The following PLS1 variants were observed in gnomAD, a reference collection of about 807,000 sequenced individuals.
The protein encoded by PLS1 is plastin-1.
PLS1 carries 32 observed loss-of-function variants against 73.7 expected under a neutral mutation model. The observed-to-expected ratio is 0.43, with a 90% CI of 0.33 to 0.58. The LOEUF (loss-of-function observed/expected upper bound fraction) is 0.58, where lower values mean the gene tolerates loss of function less well. PLS1 is among the 20% of genes least tolerant of loss of function. The pLI, the probability that PLS1 is intolerant of heterozygous loss-of-function variation, is 0.04. For synonymous variants in PLS1, 217 were observed against 261.3 expected (o/e 0.83, Z 1.63); for missense variants, 633 against 740.5 (o/e 0.85, Z 1.68).
At chr3:142,708,602 A>G (rs1308178230) in intron 14 of PLS1, among the ~76,000 whole-genome samples, 2 of 152,226 alleles carry the variant, frequency 1.3e-5, no homozygotes, top group African/African-American at 4.8e-5. Flanking sequence ...ATGTTCTAAT[A>G]CATATCAAAT....
intron 2 of PLS1, among the ~76,000 whole-genome samples, chr3:142,667,755 CCTG>C (rs963384803): frequency 1.3e-4 from 20 of 152,182 alleles, no homozygotes; most frequent in African/African-American, 4.8e-4. Flanking sequence ...TAAAATATTT[CCTG>C]CTATTATGCT....
At chr3:142,676,432 T>C (rs912127380) in intron 5 of PLS1, 143 bp downstream of exon 5, 5 of 782,098 alleles carry the variant, frequency 6.4e-6, no homozygotes, top group African/African-American at 5.2e-5. Flanking sequence ...GCATAGAAAA[T>C]GAACTACTGT....
intron 1 of PLS1, among the ~76,000 whole-genome samples, chr3:142,649,312 G>A (rs1469077385): frequency 1.6e-5 from 2 of 128,062 alleles, no homozygotes; most frequent in African/African-American, 3.1e-5. Context: ...CTCCAGTTTG[G>A]GTAACAGAGT....
At chr3:142,618,823 C>T (rs747978991) in intron 1 of PLS1, among the ~76,000 whole-genome samples, 1 of 152,110 alleles carries the variant, frequency 6.6e-6, no homozygotes, top group Non-Finnish European at 1.5e-5. Flanking sequence ...TGGTCCTGCC[C>T]AAATAACCTA....
intron 14 of PLS1, among the ~76,000 whole-genome samples, 175 bp from the exon 15 acceptor site, chr3:142,711,326 G>A (rs1184026353): frequency 6.6e-6 from 1 of 152,040 alleles, no homozygotes; most frequent in Admixed American, 6.6e-5. Flanking sequence ...AAAGATTCAA[G>A]GAAAAGTATA....
At chr3:142,682,280 G>T (rs73230561) in intron 6 of PLS1, among the ~76,000 whole-genome samples, 243 of 152,296 alleles carry the variant, frequency 1.6e-3, no homozygotes, top group Non-Finnish European at 2.7e-3. Flanking sequence ...AAGAGTTAAT[G>T]GGTCTTTTAG....
chr3:142,677,608 C>A (rs369321863), intron 5 of PLS1, among the ~76,000 whole-genome samples: 1 of 152,042 alleles, frequency 6.6e-6, no homozygotes, highest in East Asian at 1.9e-4. Context: ...CACACCACTG[C>A]ATTCCAGCCT....
chr3:142,664,257 C>T lies in PLS1; in HGVS notation c.20C>T (p.Thr7Ile). 6.3e-7 allele frequency: 1 copy of T among 1,590,610 alleles called. No individual in the cohort carries two copies. Among genetic ancestry groups the T allele is most frequent in the South Asian group, 1.1e-5 (1 of 90,048 alleles). MENSTTTISREELEELQ... is the reference protein window; with the variant it reads MENSTTIISREELEELQ... ...CCAAAGATGGAAAACAGTACTACTACCATTTCTCGGGAGGAGCTTGAAGAA... is the reference window on the plus strand; with the variant it reads ...CCAAAGATGGAAAACAGTACTACTATCATTTCTCGGGAGGAGCTTGAAGAA... The change falls in exon 2 of 16, where the codon ACC becomes ATC. Residue 7 changes from threonine (T) to isoleucine (I), a missense_variant. By Grantham distance (89) the Thr-to-Ile change is moderately conservative (BLOSUM62 -1). Coordinates refer to ENST00000457734, the MANE Select transcript of PLS1 (RefSeq NM_001145319.2).
chr3:142,648,997 A>G (rs2037020200), intron 1 of PLS1, among the ~76,000 whole-genome samples: 1 of 152,202 alleles, frequency 6.6e-6, no homozygotes. Flanking sequence ...ACTCTCAGAT[A>G]CTAAGTAAAT....
intron 1 of PLS1, among the ~76,000 whole-genome samples, chr3:142,626,426 A>G (rs747838963): frequency 1.3e-5 from 2 of 152,204 alleles, no homozygotes; most frequent in African/African-American, 2.4e-5. Context: ...GCAGCCAAAC[A>G]TAAAGTGGGG....
At chr3:142,622,572 T>G (rs1338793148) in intron 1 of PLS1, among the ~76,000 whole-genome samples, 2 of 152,208 alleles carry the variant, frequency 1.3e-5, no homozygotes, top group East Asian at 3.8e-4. Context: ...TATGAAGCAG[T>G]TTTATAACAT....
At chr3:142,677,738 A>C (rs919845131) in intron 5 of PLS1, among the ~76,000 whole-genome samples, 1 of 152,234 alleles carries the variant, frequency 6.6e-6, no homozygotes, top group African/African-American at 2.4e-5. Context: ...AGGAATGGGA[A>C]TATTTCTTGG....
Position 142,711,596 on chromosome 3 carries a change from A to G in PLS1, c.1725A>G (p.Leu575=), listed in dbSNP as rs1410608932. Residue 575 remains leucine, a synonymous_variant, in exon 15 of 16, where the codon TTA becomes TTG. Coordinates refer to ENST00000457734, the MANE Select transcript of PLS1 (RefSeq NM_001145319.2). ...VRQEMIRREN[L]SDEDKLNNAK... ...AAGAAATGATCAGGAGAGAAAACTT[A>G]TCTGATGAGGACAAGCTGAACAATG... The G allele has an allele frequency of 1.9e-6, 3 of 1,608,964 alleles. No individual in the cohort carries two copies. Among genetic ancestry groups the G allele is most frequent in the Non-Finnish European group, 2.6e-6 (3 of 1,176,176 alleles).
chr3:142,636,587 A>G (rs1402836737), intron 1 of PLS1, among the ~76,000 whole-genome samples: 1 of 152,248 alleles, frequency 6.6e-6, no homozygotes, highest in East Asian at 1.9e-4. Context: ...GGACTTCATC[A>G]AAATGTAAAA....
intron 14 of PLS1, among the ~76,000 whole-genome samples, chr3:142,710,385 C>A (rs1412808197): frequency 6.6e-6 from 1 of 151,998 alleles, no homozygotes; most frequent in Non-Finnish European, 1.5e-5. Context: ...TGGCTTAGAC[C>A]AGTGTTTTGA....
In PLS1 at chr3:142,681,276, C is replaced by CA. The variant is rs1393349656; in HGVS notation, c.580-2723dup. 9.9e-5 allele frequency among the ~76,000 whole-genome samples: 15 copies of CA among 150,914 alleles called. 1 individual carries two copies. Among genetic ancestry groups the CA allele is most frequent in the Admixed American group, 9.9e-4 (15 of 15,156 alleles). On this transcript the variant is annotated intron_variant, in intron 6 of 15. Coordinates refer to ENST00000457734, the MANE Select transcript of PLS1 (RefSeq NM_001145319.2). ...AATGCTGTATTTCAGATTGAGTGAC[C>CA]AAAAAAAGGTCATGTATATATTCTA...
chr3:142,654,372 A>C (rs1577844514), intron 1 of PLS1, among the ~76,000 whole-genome samples: 1 of 152,048 alleles, frequency 6.6e-6, no homozygotes, highest in Non-Finnish European at 1.5e-5. Flanking sequence ...TTGAGACAGA[A>C]TCTTGCTCTG....
chr3:142,674,315 AC>A (rs1381848303), intron 4 of PLS1, among the ~76,000 whole-genome samples: 4 of 152,182 alleles, frequency 2.6e-5, no homozygotes, highest in Non-Finnish European at 5.9e-5. Flanking sequence ...TATGATATGT[AC>A]AAAGAGGAAA....
chr3:142,699,424 C>T (rs991352969), intron 12 of PLS1, among the ~76,000 whole-genome samples: 3 of 152,124 alleles, frequency 2.0e-5, no homozygotes, highest in Non-Finnish European at 4.4e-5. Flanking sequence ...TGCCATTGCA[C>T]TCCAGCCTGG....
Sources: gnomAD v4.1 joint callset for allele counts (sites outside exome capture counted in the v4.1 genomes callset) on GRCh38, gnomAD v4.1.1 for gene constraint, MANE v1.5 for transcripts, NCBI Gene and HGNC (gene_info 2026-07-23, HGNC 2026-07-21) for gene names.